The following EYA1 variants were observed in gnomAD, a reference collection of about 807,000 sequenced individuals.
EYA1 encodes the protein EYA transcriptional coactivator and phosphatase 1.
In EYA1, 16 loss-of-function variants were observed where a neutral mutation model predicts 82.0. The observed-to-expected ratio is 0.20, with a 90% CI of 0.13 to 0.30. The LOEUF (loss-of-function observed/expected upper bound fraction) is 0.30. Ranked by LOEUF, EYA1 falls within the 10% of genes least tolerant of loss-of-function variation. EYA1 has a pLI of 1.00. For synonymous variants in EYA1, 261 were observed against 264.4 expected, an observed-to-expected ratio of 0.99 and a Z score of 0.12; for missense variants, 633 against 730.7, an observed-to-expected ratio of 0.87 and a Z score of 1.54.
chr8:71,255,943 C>T (rs1430137550), intron 11 of EYA1, among the ~76,000 whole-genome samples: 1 of 152,074 alleles, frequency 6.6e-6, no homozygotes, highest in Non-Finnish European at 1.5e-5. Context: ...TCAAAAAGCA[C>T]ATGAAATATG....
At chr8:71,531,456 G>A (rs1323303940) in intron 2 of EYA1, among the ~76,000 whole-genome samples, 4 of 152,112 alleles carry the variant, frequency 2.6e-5, no homozygotes, top group African/African-American at 7.2e-5. Flanking sequence ...ACAAGTTTTG[G>A]GTTATCGAGT....
chr8:71,209,574 G>C (rs1381537347), intron 17 of EYA1, among the ~76,000 whole-genome samples: 1 of 152,290 alleles, frequency 6.6e-6, no homozygotes, highest in Non-Finnish European at 1.5e-5. Context: ...GGCACTGAAG[G>C]TAAACTAGGC....
At position 71,199,102 on chromosome 8, in the gene EYA1, T is replaced by G; in HGVS notation, c.*238A>C. 1 of 588,268 alleles carries G rather than the reference T, an allele frequency of 1.7e-6. No homozygotes were observed. Among genetic ancestry groups the G allele is most frequent in the Non-Finnish European group, 3.1e-6 (1 of 322,682 alleles). The allele number at this position is 588,268 out of a possible 1,614,324, so 36.4% of individuals were successfully genotyped here. A position where few individuals can be genotyped will look rare whatever the true frequency, so the allele number is the denominator to read the frequency against. On this transcript the variant is annotated 3_prime_UTR_variant, in exon 18 of 18. Transcript: ENST00000340726. Reference sequence around the variant, plus strand: ...ATGTGGCAGACACATAACGCTGTGCTAAAACATTCTCATGGCTTATTTTCA... The same window carrying G: ...ATGTGGCAGACACATAACGCTGTGCGAAAACATTCTCATGGCTTATTTTCA...
At chr8:71,299,376 G>T in intron 8 of EYA1, 143 bp from the exon 9 acceptor site, 1 of 860,266 alleles carries the variant, frequency 1.2e-6, no homozygotes. Context: ...ATTAACTAAA[G>T]AGCTCAGACT....
chr8:71,344,653 A>C (rs1334402585), intron 3 of EYA1, among the ~76,000 whole-genome samples: 1 of 152,228 alleles, frequency 6.6e-6, no homozygotes, highest in Non-Finnish European at 1.5e-5. Context: ...ATCCTTAATC[A>C]TTCCTTTGAT....
chr8:71,271,769 A>C lies in EYA1; in HGVS notation c.955T>G (p.Ser319Ala). ...RNNNPSPPPD[S>A]DLERVFIWDL... ...TGGCTATGACGTACCTCAAGATCAGAATCTGGGGGAGGTGAAGGATTATTG... is the reference window on the plus strand; with the variant it reads ...TGGCTATGACGTACCTCAAGATCAGCATCTGGGGGAGGTGAAGGATTATTG... The change falls in exon 10 of 18, where the codon TCT (serine) becomes GCT (alanine). Residue 319 changes from serine (S) to alanine (A), a missense_variant. Ser to Ala is a moderately conservative substitution (Grantham distance 99). Transcript: ENST00000340726. 1 of 1,614,204 alleles carries C rather than the reference A, an allele frequency of 6.2e-7. No homozygotes were observed.
intron 12 of EYA1, among the ~76,000 whole-genome samples, chr8:71,240,576 C>T (rs537310813): frequency 3.9e-5 from 6 of 152,114 alleles, no homozygotes; most frequent in East Asian, 3.9e-4. Context: ...TCAGGGGTAA[C>T]GGGTGACCCG....
chr8:71,475,356 A>T (rs1809575907), intron 2 of EYA1, among the ~76,000 whole-genome samples: 1 of 152,164 alleles, frequency 6.6e-6, no homozygotes, highest in South Asian at 2.1e-4. Flanking sequence ...CAAAAGAAAG[A>T]TTTGCTTTTT....
intron 11 of EYA1, among the ~76,000 whole-genome samples, chr8:71,261,509 A>C (rs188846987): frequency 9.2e-5 from 14 of 152,318 alleles, no homozygotes; most frequent in African/African-American, 3.1e-4. Context: ...GGTGGGGCTA[A>C]TCAGGTCATT....
intron 2 of EYA1, among the ~76,000 whole-genome samples, chr8:71,429,589 G>C (rs1190696487): frequency 6.6e-6 from 1 of 152,034 alleles, no homozygotes; most frequent in Admixed American, 6.6e-5. Flanking sequence ...ATGATGAATT[G>C]TTCAAATGTT....
chr8:71,342,187 G>A (rs1393243090), intron 3 of EYA1, among the ~76,000 whole-genome samples: 1 of 152,024 alleles, frequency 6.6e-6, no homozygotes, highest in Non-Finnish European at 1.5e-5. Flanking sequence ...CACCATATCA[G>A]CCCCTTGCTC....
chr8:71,321,601 C>A, intron 6 of EYA1, 133 bp downstream of exon 6: 1 of 1,163,352 alleles, frequency 8.6e-7, no homozygotes, highest in East Asian at 2.6e-5. Context: ...AACAATCATA[C>A]TAAGAATTTA....
intron 2 of EYA1, among the ~76,000 whole-genome samples, chr8:71,419,965 G>A (rs1029973401): frequency 6.6e-6 from 1 of 151,702 alleles, no homozygotes. Context: ...CTTTTAAGAG[G>A]GCTAAATACT....
At chr8:71,502,955 A>C (rs1811922379) in intron 2 of EYA1, among the ~76,000 whole-genome samples, 1 of 152,146 alleles carries the variant, frequency 6.6e-6, no homozygotes, top group African/African-American at 2.4e-5. Flanking sequence ...ATGCACACAC[A>C]ATTGTAGCAA....
At chr8:71,458,550 T>C (rs1224276302) in intron 2 of EYA1, among the ~76,000 whole-genome samples, 1 of 152,052 alleles carries the variant, frequency 6.6e-6, no homozygotes, top group African/African-American at 2.4e-5. Flanking sequence ...AGGTATTACA[T>C]AGCTCCAAAT....
intron 2 of EYA1, among the ~76,000 whole-genome samples, chr8:71,485,421 G>A (rs1274368551): frequency 6.6e-6 from 1 of 152,052 alleles, no homozygotes; most frequent in Non-Finnish European, 1.5e-5. Context: ...AACTGACAAG[G>A]AGGCAATGGA....
chr8:71,271,712 CTAT>C (rs1230203718), intron 10 of EYA1, 43 bp downstream of exon 10: 4 of 1,612,686 alleles, frequency 2.5e-6, no homozygotes, highest in Non-Finnish European at 3.4e-6. Context: ...CACCAGTTAG[CTAT>C]TAAGACACCT....
At chr8:71,366,963 G>GA (rs537526769), upstream of EYA1, among the ~76,000 whole-genome samples, 62 of 152,108 alleles carry the variant, frequency 4.1e-4, no homozygotes, top group African/African-American at 1.3e-3. Context: ...ATATGGAAGA[G>GA]AAAAAATCAC....
chr8:71,337,268 A>G (rs1048897344), intron 3 of EYA1, among the ~76,000 whole-genome samples: 1 of 152,120 alleles, frequency 6.6e-6, no homozygotes, highest in South Asian at 2.1e-4. Flanking sequence ...TATCTCCACC[A>G]TACTCTTCAT....
Sources: allele counts gnomAD v4.1 joint callset (sites outside exome capture counted in the v4.1 genomes callset), GRCh38; gene constraint gnomAD v4.1.1; transcripts MANE v1.5; gene names NCBI Gene and HGNC (gene_info 2026-07-23, HGNC 2026-07-21).